SOD2: variants seen among roughly 807,000 people sequenced by gnomAD.
SOD2 encodes the protein superoxide dismutase 2, also known as superoxide dismutase [Mn], mitochondrial.
In SOD2, 11 loss-of-function variants were observed where a neutral mutation model predicts 27.0. That is an observed-to-expected ratio of 0.41 (90% CI 0.26 to 0.67). The LOEUF (loss-of-function observed/expected upper bound fraction) is 0.67, where lower values mean the gene tolerates loss of function less well. Among genes scored for constraint, SOD2 ranks in the 30% least tolerant of loss-of-function variants. The probability of loss-of-function intolerance (pLI) is 0.34; values close to 1 mark genes in which losing one functional copy is unlikely to be tolerated. For synonymous variants in SOD2, 105 were observed against 103.0 expected, an observed-to-expected ratio of 1.02 and a Z score of -0.12; for missense variants, 250 against 274.5, an observed-to-expected ratio of 0.91 and a Z score of 0.63.
upstream of SOD2, chr6:159,727,512 C>T (rs921170610): frequency 3.0e-6 from 3 of 992,788 alleles, no homozygotes; most frequent in Admixed American, 6.2e-5. Context: ...TTTCCTCCCT[C>T]AGCGCCATTT....
At position 159,679,354 on chromosome 6, in the gene SOD2, A is replaced by C. The variant is rs566533930; in HGVS notation, c.*3139T>G. 6.6e-6 allele frequency: 1 copy of C among 152,226 alleles called. No individual in the cohort carries two copies. The highest frequency in any genetic ancestry group is 1.5e-5 in the Non-Finnish European group (1 of 68,044). The allele number at this position is 152,226 out of a possible 1,614,324, so 9.4% of individuals were successfully genotyped here. A position where few individuals can be genotyped will look rare whatever the true frequency, so the allele number is the denominator to read the frequency against. On this transcript the variant is annotated 3_prime_UTR_variant, in exon 5 of 5. Coordinates refer to ENST00000538183, the MANE Select transcript of SOD2 (RefSeq NM_000636.4). ...ATTTACCTAATAATAGCTTTCCCAAACAGTACTTCCCCTGGAATTAAAACA... is the reference window on the plus strand; with the variant it reads ...ATTTACCTAATAATAGCTTTCCCAACCAGTACTTCCCCTGGAATTAAAACA...
intron 1 of SOD2, chr6:159,712,855 T>C: frequency 1.6e-6 from 1 of 614,788 alleles, no homozygotes; most frequent in Non-Finnish European, 3.1e-6. Context: ...GCCCCTGCTG[T>C]AGATTCAAGA....
rs957305969 is a variant in SOD2 at position 159,675,934 on chromosome 6, A to C, written c.*6559T>G. ...ACAAACCCCATCAAAAAGTAGGTGA[A>C]GGATATGAAGAGACACTTCTCAAAA... On this transcript the variant is annotated 3_prime_UTR_variant, in exon 5 of 5. Coordinates refer to ENST00000538183, the MANE Select transcript of SOD2 (RefSeq NM_000636.4). 3 of 152,250 alleles carry C rather than the reference A, an allele frequency of 2.0e-5. No homozygotes were observed. Among genetic ancestry groups the C allele is most frequent in the Admixed American group, 6.5e-5 (1 of 15,288 alleles). The allele number at this position is 152,250 out of a possible 1,614,324, so 9.4% of individuals were successfully genotyped here. A position where few individuals can be genotyped will look rare whatever the true frequency, so the allele number is the denominator to read the frequency against.
At chr6:159,751,289 A>G (rs554557363) in intron 1 of SOD2, among the ~76,000 whole-genome samples, 13 of 152,314 alleles carry the variant, frequency 8.5e-5, no homozygotes, top group Middle Eastern at 3.4e-3. Flanking sequence ...TTGCATTAGA[A>G]TTTGTGACAT....
At chr6:159,738,750 CAG>C (rs1278039389) in intron 1 of SOD2, among the ~76,000 whole-genome samples, 1 of 151,984 alleles carries the variant, frequency 6.6e-6, no homozygotes, top group Non-Finnish European at 1.5e-5. Context: ...CCATTCTAAT[CAG>C]TGTGTGGTGA....
At chr6:159,695,280 G>A (rs1392992961), upstream of SOD2, among the ~76,000 whole-genome samples, 1 of 152,172 alleles carries the variant, frequency 6.6e-6, no homozygotes, top group Non-Finnish European at 1.5e-5. Context: ...TTTGTATAGA[G>A]AGTGATACTT....
chr6:159,670,934 G>A lies in SOD2; in HGVS notation c.*11559C>T, dbSNP rs1377293731. The A allele has an allele frequency of 6.6e-6, 1 of 152,326 alleles. No individual in the cohort carries two copies. The highest frequency in any genetic ancestry group is 1.5e-5 in the Non-Finnish European group (1 of 68,130). The allele number at this position is 152,326 out of a possible 1,614,324, so 9.4% of individuals were successfully genotyped here. ...ATGGTCTTAGCAAACGGCACACCAG[G>A]AGATTATATCCTGTGCCTAGCTCGG... On this transcript the variant is annotated 3_prime_UTR_variant, in exon 5 of 5. Transcript: ENST00000538183.
upstream of SOD2, among the ~76,000 whole-genome samples, chr6:159,694,971 CATTTCTG>C (rs1777393927): frequency 6.6e-6 from 1 of 152,096 alleles, no homozygotes; most frequent in Non-Finnish European, 1.5e-5. Context: ...AGCTGAGAAA[CATTTCTG>C]CTGAGGTGAG....
At chr6:159,683,574 A>T (rs999277575) in intron 4 of SOD2, among the ~76,000 whole-genome samples, 2 of 152,200 alleles carry the variant, frequency 1.3e-5, no homozygotes, top group Admixed American at 6.6e-5. Flanking sequence ...GAGGGAGGTC[A>T]CTAGTAATTT....
chr6:159,718,125 T>C (rs1777958723), intron 1 of SOD2, among the ~76,000 whole-genome samples: 1 of 152,076 alleles, frequency 6.6e-6, no homozygotes, highest in South Asian at 2.1e-4. Context: ...CCCAAGTAGC[T>C]GGGACTATAG....
chr6:159,733,773 G>A (rs749526489), intron 1 of SOD2, among the ~76,000 whole-genome samples: 7 of 152,060 alleles, frequency 4.6e-5, no homozygotes, highest in Non-Finnish European at 7.4e-5. Flanking sequence ...GAAGTTAGCC[G>A]GGCGTGGTGG....
At chr6:159,748,552 G>A, upstream of SOD2, 2 of 1,357,436 alleles carry the variant, frequency 1.5e-6, no homozygotes, top group Non-Finnish European at 1.9e-6. The surrounding 1 kb of genome is among the most constrained non-coding windows in gnomAD (Gnocchi z 5.6). Flanking sequence ...TGAACCTTGT[G>A]TTTCAGCTTT....
intron 1 of SOD2, among the ~76,000 whole-genome samples, chr6:159,743,156 A>T (rs961611222): frequency 1.3e-5 from 2 of 152,196 alleles, no homozygotes; most frequent in African/African-American, 4.8e-5. Flanking sequence ...CAAGTCATTG[A>T]CCTGCCTCAG....
At chr6:159,693,532 C>A (rs1437485073), upstream of SOD2, among the ~76,000 whole-genome samples, 2 of 152,184 alleles carry the variant, frequency 1.3e-5, no homozygotes, top group Non-Finnish European at 2.9e-5. Context: ...GAGGCGGCCC[C>A]TGCCCCCGTG....
intron 2 of SOD2, among the ~76,000 whole-genome samples, chr6:159,690,211 C>T (rs1466844947): frequency 2.0e-5 from 3 of 148,562 alleles, no homozygotes; most frequent in South Asian, 2.1e-4. Flanking sequence ...TGCTTGAACC[C>T]AGGAGACGGA....
chr6:159,715,581 G>A (rs1244757611), intron 1 of SOD2, among the ~76,000 whole-genome samples: 7 of 152,110 alleles, frequency 4.6e-5, no homozygotes, highest in Non-Finnish European at 8.8e-5. Flanking sequence ...AAGCAACAGA[G>A]GCAAACAGAA....
upstream of SOD2, among the ~76,000 whole-genome samples, chr6:159,696,338 G>A (rs1339147417): frequency 6.6e-6 from 1 of 151,990 alleles, no homozygotes; most frequent in Non-Finnish European, 1.5e-5. Context: ...TTTTCTTTCC[G>A]AATCAAGAGT....
intron 1 of SOD2, among the ~76,000 whole-genome samples, chr6:159,711,297 C>T (rs868376948): frequency 1.6e-3 from 59 of 36,116 alleles, no homozygotes; most frequent in African/African-American, 3.0e-3. Context: ...ACTGCTCTGA[C>T]CTCCATAACC....
chr6:159,713,283 CT>C, intron 1 of SOD2: 1 of 681,110 alleles, frequency 1.5e-6, no homozygotes, highest in Non-Finnish European at 2.6e-6. Context: ...CCTCTATACC[CT>C]CCACCATAGG....
Sources: allele counts gnomAD v4.1 joint callset (sites outside exome capture counted in the v4.1 genomes callset), GRCh38; gene constraint gnomAD v4.1.1; non-coding constraint Gnocchi (gnomAD v3.1); transcripts MANE v1.5; gene names NCBI Gene and HGNC (gene_info 2026-07-23, HGNC 2026-07-21).